Variants in CNBD1 observed in about 807,000 individuals in gnomAD.
CNBD1 encodes cyclic nucleotide binding domain containing 1.
CNBD1 carries 71 observed loss-of-function variants against 54.4 expected under a neutral mutation model. The ratio of observed to expected loss-of-function variants is 1.30; its 90% CI spans 1.08 to 1.59. The LOEUF (loss-of-function observed/expected upper bound fraction) is 1.59, where lower values mean the gene tolerates loss of function less well. Among genes scored for constraint, CNBD1 ranks in the 40% most tolerant of loss-of-function variants. The pLI is 0.00. For synonymous variants in CNBD1, 182 were observed against 170.7 expected (o/e 1.07, Z -0.51); for missense variants, 659 against 518.0 (o/e 1.27, Z -2.64).
chr8:87,369,795 A>T (rs1245134690), intron 10 of CNBD1, among the ~76,000 whole-genome samples: 1 of 151,862 alleles, frequency 6.6e-6, no homozygotes, highest in African/African-American at 2.4e-5. Flanking sequence ...TTACATATGT[A>T]TACATGCGCC....
At chr8:86,869,404 T>C (rs1808409750) in intron 1 of CNBD1, among the ~76,000 whole-genome samples, 1 of 152,170 alleles carries the variant, frequency 6.6e-6, no homozygotes, top group African/African-American at 2.4e-5. Context: ...TGCCCTGAAT[T>C]TCTTGCCCAT....
At chr8:87,060,978 A>C (rs184301105) in intron 4 of CNBD1, among the ~76,000 whole-genome samples, 92 of 152,336 alleles carry the variant, frequency 6.0e-4, no homozygotes, top group African/African-American at 2.1e-3. Flanking sequence ...TGGGCAACTC[A>C]GGACTGACCC....
chr8:87,354,543 C>T (rs1342537759), intron 10 of CNBD1, among the ~76,000 whole-genome samples: 1 of 151,986 alleles, frequency 6.6e-6, no homozygotes, highest in Non-Finnish European at 1.5e-5. Context: ...TCTCCTATTG[C>T]TATCCCTCCC....
chr8:86,878,498 C>A (rs1013873488), intron 1 of CNBD1, among the ~76,000 whole-genome samples: 1 of 151,432 alleles, frequency 6.6e-6, no homozygotes, highest in Non-Finnish European at 1.5e-5. Context: ...TGATCTATTT[C>A]TTTTCAGTGA....
Position 87,324,779 on chromosome 8 carries a change from G to A in CNBD1, c.1043-26906G>A, listed in dbSNP as rs1217879093. Among the ~76,000 whole-genome samples, 3 of 141,784 alleles carry A rather than the reference G, an allele frequency of 2.1e-5. No homozygotes were observed. In the East Asian group the frequency reaches 5.9e-4, roughly 28 times the overall value. The allele number at this position is 141,784 out of a possible 152,430, so 93.0% of individuals were successfully genotyped here. On this transcript the variant is annotated intron_variant, in intron 8 of 10. Coordinates refer to ENST00000518476, the MANE Select transcript of CNBD1 (RefSeq NM_173538.3). ...CTCCTGGATTCATTGATTTTTTGAA[G>A]GGTTTTTTGTGTCTCTATTTCCTTC...
At chr8:86,997,578 C>G (rs996757010) in intron 4 of CNBD1, among the ~76,000 whole-genome samples, 1 of 152,102 alleles carries the variant, frequency 6.6e-6, no homozygotes, top group Non-Finnish European at 1.5e-5. Context: ...ACCTACTGGA[C>G]ATGAAATAGG....
chr8:87,334,325 C>A (rs1380625291), intron 8 of CNBD1, among the ~76,000 whole-genome samples: 4 of 151,900 alleles, frequency 2.6e-5, no homozygotes, highest in Non-Finnish European at 4.4e-5. Flanking sequence ...TCAAAAAAAA[C>A]AGCTCCTGGA....
At chr8:86,919,332 A>G (rs1026436840) in intron 3 of CNBD1, among the ~76,000 whole-genome samples, 2 of 152,184 alleles carry the variant, frequency 1.3e-5, no homozygotes, top group Non-Finnish European at 2.9e-5. Flanking sequence ...ATCAGGCAGT[A>G]CTCAAAACTA....
At chr8:87,010,212 T>C (rs1809187268) in intron 4 of CNBD1, among the ~76,000 whole-genome samples, 1 of 152,068 alleles carries the variant, frequency 6.6e-6, no homozygotes, top group South Asian at 2.1e-4. Flanking sequence ...CCTACCTTTT[T>C]CCCCCCACTT....
intron 6 of CNBD1, among the ~76,000 whole-genome samples, chr8:87,240,812 C>T (rs1362648918): frequency 6.6e-6 from 1 of 152,058 alleles, no homozygotes; most frequent in Non-Finnish European, 1.5e-5. Flanking sequence ...TTCCCTGGAG[C>T]TGGTGTTGCC....
intron 4 of CNBD1, among the ~76,000 whole-genome samples, chr8:87,131,386 ATT>A (rs1182696981): frequency 6.6e-6 from 1 of 152,056 alleles, no homozygotes; most frequent in East Asian, 1.9e-4. Context: ...TAAAATACAC[ATT>A]TTTAACTTTT....
intron 10 of CNBD1, among the ~76,000 whole-genome samples, chr8:87,369,883 C>A (rs1012329392): frequency 1.3e-5 from 2 of 152,112 alleles, no homozygotes; most frequent in Non-Finnish European, 2.9e-5. Context: ...CCCACTCCCC[C>A]GACCCCACAA....
intron 4 of CNBD1, among the ~76,000 whole-genome samples, chr8:87,048,741 A>G (rs543255145): frequency 6.6e-6 from 1 of 152,218 alleles, no homozygotes; most frequent in African/African-American, 2.4e-5. Context: ...TACTTTTGGC[A>G]CATGGGTGAA....
At chr8:87,327,127 G>T (rs1360971662) in intron 8 of CNBD1, among the ~76,000 whole-genome samples, 1 of 144,084 alleles carries the variant, frequency 6.9e-6, no homozygotes, top group Non-Finnish European at 1.5e-5. Context: ...GGGGTCAGGG[G>T]TCAGGGACCC....
At chr8:87,397,947 C>T (rs1012043300) in intron 2 of CNBD1, among the ~76,000 whole-genome samples, 2 of 151,968 alleles carry the variant, frequency 1.3e-5, no homozygotes, top group Admixed American at 6.6e-5. Flanking sequence ...TAAGATGTGA[C>T]TTGCTCCTCC....
intron 4 of CNBD1, among the ~76,000 whole-genome samples, chr8:87,176,870 A>G (rs561085150): frequency 6.6e-6 from 1 of 152,282 alleles, no homozygotes; most frequent in East Asian, 1.9e-4. Context: ...GTAAATCAAG[A>G]TAACTATAAA....
chr8:87,029,682 A>C (rs1350289263), intron 4 of CNBD1, among the ~76,000 whole-genome samples: 1 of 152,186 alleles, frequency 6.6e-6, no homozygotes, highest in Non-Finnish European at 1.5e-5. Context: ...AAAGGGCCTC[A>C]CACTATTTTG....
At chr8:87,023,556 G>C (rs897135001) in intron 4 of CNBD1, among the ~76,000 whole-genome samples, 2 of 151,914 alleles carry the variant, frequency 1.3e-5, no homozygotes, top group Non-Finnish European at 2.9e-5. Flanking sequence ...CTTATCTGTA[G>C]AGACCCTTAA....
At chr8:86,957,566 A>G (rs1807811144) in intron 4 of CNBD1, among the ~76,000 whole-genome samples, 2 of 152,208 alleles carry the variant, frequency 1.3e-5, no homozygotes, top group Admixed American at 6.5e-5. Context: ...GGGAGGGTGT[A>G]TGTGTCCAGA....
Sources: allele counts gnomAD v4.1 joint callset (sites outside exome capture counted in the v4.1 genomes callset), GRCh38; gene constraint gnomAD v4.1.1; transcripts MANE v1.5; gene names NCBI Gene and HGNC (gene_info 2026-07-23, HGNC 2026-07-21).